The following CNIH3 variants were observed in gnomAD, a reference collection of about 807,000 sequenced individuals.
The protein encoded by CNIH3 is protein cornichon homolog 3.
In CNIH3, 14 loss-of-function variants were observed where a neutral mutation model predicts 24.1. That is an observed-to-expected ratio of 0.58 (90% CI 0.38 to 0.91). The LOEUF is 0.91. Ranked by LOEUF, CNIH3 falls within the 40% of genes least tolerant of loss-of-function variation. The probability of loss-of-function intolerance (pLI) is 0.00; values close to 1 mark genes in which losing one functional copy is unlikely to be tolerated. For missense variants in CNIH3, 178 were observed against 196.8 expected (o/e 0.90, Z 0.57); for synonymous variants, 68 against 73.8 (o/e 0.92, Z 0.40).
At chr1:224,512,806 G>C (rs1678210460), upstream of CNIH3, among the ~76,000 whole-genome samples, 1 of 152,112 alleles carries the variant, frequency 6.6e-6, no homozygotes, top group South Asian at 2.1e-4. Context: ...CCCATGTGTG[G>C]GTGGGTGTAG....
At chr1:224,499,707 A>G (rs1677575646) in intron 1 of CNIH3, among the ~76,000 whole-genome samples, 1 of 152,118 alleles carries the variant, frequency 6.6e-6, no homozygotes. Flanking sequence ...CAAGAAACTG[A>G]AAAGCATAGC....
chr1:224,572,481 A>T lies in CNIH3; in HGVS notation n.516+6217A>T, dbSNP rs1462245591. Among the ~76,000 whole-genome samples the T allele has an allele frequency of 4.6e-5, 7 of 151,254 alleles. No individual in the cohort carries two copies. In the South Asian group the frequency reaches 1.3e-3, roughly 27 times the overall value. On this transcript the variant is annotated intron_variant and non_coding_transcript_variant, in intron 4 of 5. Coordinates refer to the CNIH3 transcript ENST00000471578. ...CAGTGAGCTGAGATCATGCTACTGC[A>T]CTTCAGCCTGGGTGACAGAGTGAAA...
intron 3 of CNIH3, among the ~76,000 whole-genome samples, chr1:224,554,451 G>T (rs896626920): frequency 1.3e-5 from 2 of 152,106 alleles, no homozygotes; most frequent in Admixed American, 1.3e-4. Context: ...ACCCACTGAG[G>T]ATTGAAAAGA....
intron 3 of CNIH3, chr1:224,565,913 T>A (rs2124991462): frequency 6.6e-6 from 1 of 152,334 alleles, no homozygotes; most frequent in Middle Eastern, 3.4e-3. Flanking sequence ...ATCTCGGTGA[T>A]TCTTTGCTTC....
At chr1:224,523,507 T>A (rs1678724538) in intron 2 of CNIH3, among the ~76,000 whole-genome samples, 1 of 152,156 alleles carries the variant, frequency 6.6e-6, no homozygotes, top group African/African-American at 2.4e-5. Context: ...ATATATGGTG[T>A]TAGAACTCAA....
chr1:224,552,455 C>T (rs1440678040), intron 3 of CNIH3, among the ~76,000 whole-genome samples: 1 of 151,008 alleles, frequency 6.6e-6, no homozygotes, highest in Non-Finnish European at 1.5e-5. Flanking sequence ...GGAGTAATAT[C>T]TCCCTTAGAT....
chr1:224,465,073 T>G (rs970259204), intron 1 of CNIH3, among the ~76,000 whole-genome samples: 1 of 152,068 alleles, frequency 6.6e-6, no homozygotes, highest in Non-Finnish European at 1.5e-5. Context: ...AGATTAGAGA[T>G]GTAAGCTGAG....
At chr1:224,651,546 C>T (rs750965203) in intron 1 of CNIH3, among the ~76,000 whole-genome samples, 38 of 152,176 alleles carry the variant, frequency 2.5e-4, no homozygotes, top group Non-Finnish European at 4.4e-4. Context: ...TTTGTTTCTT[C>T]GTGTTCGTGT....
chr1:224,738,560 A>C (rs1210186120), intron 5 of CNIH3, among the ~76,000 whole-genome samples: 1 of 152,200 alleles, frequency 6.6e-6, no homozygotes, highest in Admixed American at 6.5e-5. Flanking sequence ...TTCTTAGATG[A>C]ATCTTTTTTT....
At chr1:224,579,067 CTTTTTTT>C (rs60330387) in intron 4 of CNIH3, among the ~76,000 whole-genome samples, 1 of 138,942 alleles carries the variant, frequency 7.2e-6, no homozygotes, top group Non-Finnish European at 1.6e-5. Context: ...TTTCTTTTTT[CTTTTTTT>C]TTTTTTCTTT....
intron 5 of CNIH3, among the ~76,000 whole-genome samples, chr1:224,736,450 A>G (rs891625114): frequency 6.6e-6 from 1 of 152,200 alleles, no homozygotes; most frequent in Non-Finnish European, 1.5e-5. Flanking sequence ...GCTATCTTAG[A>G]AAACCTCTAG....
intron 1 of CNIH3, among the ~76,000 whole-genome samples, chr1:224,453,544 C>G (rs1339650282): frequency 6.6e-6 from 1 of 151,914 alleles, no homozygotes; most frequent in African/African-American, 2.4e-5. Context: ...AGTTGCAACT[C>G]TTATGCTAAG....
At chr1:224,532,589 T>C (rs368427599) in intron 2 of CNIH3, among the ~76,000 whole-genome samples, 1 of 152,154 alleles carries the variant, frequency 6.6e-6, no homozygotes, top group Non-Finnish European at 1.5e-5. Flanking sequence ...TTGGAGCCCA[T>C]AGGACAACCA....
At chr1:224,638,171 T>C (rs967899735) in intron 1 of CNIH3, among the ~76,000 whole-genome samples, 2 of 152,234 alleles carry the variant, frequency 1.3e-5, no homozygotes, top group Admixed American at 1.3e-4. Flanking sequence ...AGGGCTAGCC[T>C]GCACCTTCCG....
intron 3 of CNIH3, among the ~76,000 whole-genome samples, chr1:224,560,187 G>T (rs1162923861): frequency 2.0e-5 from 3 of 152,010 alleles, no homozygotes; most frequent in Non-Finnish European, 4.4e-5. Flanking sequence ...TCTTGGGCAT[G>T]GCTTTTCATG....
At chr1:224,445,579 A>AT (rs1295215400) in intron 1 of CNIH3, among the ~76,000 whole-genome samples, 4 of 146,228 alleles carry the variant, frequency 2.7e-5, no homozygotes, top group African/African-American at 1.1e-4. Context: ...CTGCTTAAAA[A>AT]AAAAAAAAAA....
chr1:224,463,531 C>T (rs943402473), intron 1 of CNIH3, among the ~76,000 whole-genome samples: 8 of 151,954 alleles, frequency 5.3e-5, no homozygotes, highest in Admixed American at 4.6e-4. Flanking sequence ...GCCTCAGCCT[C>T]CCGAGTAGCT....
chr1:224,558,909 A>T (rs1349331284), intron 3 of CNIH3, among the ~76,000 whole-genome samples: 1 of 152,258 alleles, frequency 6.6e-6, no homozygotes, highest in Non-Finnish European at 1.5e-5. Flanking sequence ...ATTGCTGTGA[A>T]CTAGTAAAAT....
At chr1:224,590,620 T>A (rs530631694), downstream of CNIH3, among the ~76,000 whole-genome samples, 7 of 152,176 alleles carry the variant, frequency 4.6e-5, no homozygotes, top group Non-Finnish European at 8.8e-5. Context: ...CTTGCAGTCT[T>A]AAGCCCTTTT....
Sources: gnomAD v4.1 joint callset for allele counts (sites outside exome capture counted in the v4.1 genomes callset) on GRCh38, gnomAD v4.1.1 for gene constraint, MANE v1.5 for transcripts, NCBI Gene and HGNC (gene_info 2026-07-23, HGNC 2026-07-21) for gene names.